SOX6: variants seen among roughly 807,000 people sequenced by gnomAD.
The protein encoded by SOX6 is SRY-box transcription factor 6.
In SOX6, 11 loss-of-function variants were observed where a neutral mutation model predicts 97.8. The ratio of observed to expected loss-of-function variants is 0.11; its 90% CI spans 0.07 to 0.19. SOX6 has a LOEUF of 0.19. Among genes scored for constraint, SOX6 ranks in the 10% least tolerant of loss-of-function variants. The probability of loss-of-function intolerance (pLI) is 1.00; values close to 1 mark genes in which losing one functional copy is unlikely to be tolerated. For synonymous variants in SOX6, 360 were observed against 371.4 expected, an observed-to-expected ratio of 0.97 and a Z score of 0.35; for missense variants, 810 against 1,039.5, an observed-to-expected ratio of 0.78 and a Z score of 3.04.
intron 4 of SOX6, among the ~76,000 whole-genome samples, chr11:16,491,584 C>A (rs1860511450): frequency 6.6e-6 from 1 of 151,666 alleles, no homozygotes. Context: ...TATGAAAATC[C>A]AAACATCTAA....
rs183312895 is a variant in SOX6, at chr11:16,319,341, T to C, written c.238-688A>G. 6.6e-5 allele frequency among the ~76,000 whole-genome samples: 10 copies of C among 152,338 alleles called. No individual in the cohort carries two copies. In the East Asian group the frequency reaches 1.5e-3, roughly 23 times the overall value. ...CACTGATACTTCAGCACATTTTTCATGTGGCATTTAAAAATGTCTTTTTTT... is the reference window on the plus strand; with the variant it reads ...CACTGATACTTCAGCACATTTTTCACGTGGCATTTAAAAATGTCTTTTTTT... On this transcript the variant is annotated intron_variant, in intron 2 of 15. Coordinates refer to ENST00000683767, the MANE Select transcript of SOX6 (RefSeq NM_001367873.1).
intron 3 of SOX6, among the ~76,000 whole-genome samples, chr11:16,644,133 C>T (rs1224013478): frequency 1.3e-5 from 2 of 152,136 alleles, no homozygotes; most frequent in African/African-American, 2.4e-5. Context: ...CTCAACCTCC[C>T]AGGCTCAAGC....
chr11:16,695,416 A>G (rs1309327794), intron 3 of SOX6, among the ~76,000 whole-genome samples: 3 of 152,272 alleles, frequency 2.0e-5, no homozygotes, highest in Admixed American at 2.0e-4. Context: ...ATAATATAAC[A>G]GAATAAAATA....
chr11:15,968,644 T>TAGAG lies in SOX6; in HGVS notation c.*4164_*4165insCTCT, dbSNP rs2119727795. The TAGAG allele has an allele frequency of 6.6e-6, 1 of 152,340 alleles. No individual in the cohort carries two copies. Among genetic ancestry groups the TAGAG allele is most frequent in the African/African-American group, 2.4e-5 (1 of 41,578 alleles). 9.4% of individuals were successfully genotyped at this position (152,340 alleles called of 1,614,324 possible). A position where few individuals can be genotyped will look rare whatever the true frequency, so the allele number is the denominator to read the frequency against. On this transcript the variant is annotated 3_prime_UTR_variant, in exon 16 of 16. Coordinates refer to ENST00000683767, the MANE Select transcript of SOX6 (RefSeq NM_001367873.1). ...CTTCAGAAGGAAAAGAAAGCAGCCT[T>TAGAG]TAATTTCAGCCCTAGAGTGATCACG...
At chr11:16,221,445 T>C (rs897728451) in intron 4 of SOX6, among the ~76,000 whole-genome samples, 4 of 147,964 alleles carry the variant, frequency 2.7e-5, no homozygotes, top group Non-Finnish European at 5.9e-5. Context: ...AGCACTTCTC[T>C]TACACATATA....
At chr11:16,014,315 C>T (rs1854819133) in intron 13 of SOX6, among the ~76,000 whole-genome samples, 1 of 152,050 alleles carries the variant, frequency 6.6e-6, no homozygotes, top group South Asian at 2.1e-4. Context: ...GGTCTTTCCA[C>T]CCAGACTTCT....
At chr11:16,097,274 T>A (rs1848821982) in intron 8 of SOX6, among the ~76,000 whole-genome samples, 1 of 151,862 alleles carries the variant, frequency 6.6e-6, no homozygotes. Flanking sequence ...ATGCAAAAGC[T>A]AATCTGGACA....
chr11:16,010,879 T>C (rs748524085), intron 13 of SOX6, among the ~76,000 whole-genome samples: 6 of 152,018 alleles, frequency 3.9e-5, no homozygotes, highest in Non-Finnish European at 8.8e-5. Context: ...GATAGATAGA[T>C]CATCTTTCTG....
At chr11:16,250,433 T>C (rs72867977) in intron 3 of SOX6, among the ~76,000 whole-genome samples, 2,345 of 152,118 alleles carry the variant, frequency 0.015, 89 homozygotes, top group Non-Finnish European at 0.013. Context: ...AGAAAGATAG[T>C]AAAAAGCGAA....
At chr11:16,452,174 G>A (rs944421758) in intron 1 of SOX6, among the ~76,000 whole-genome samples, 2 of 151,950 alleles carry the variant, frequency 1.3e-5, no homozygotes, top group Non-Finnish European at 2.9e-5. Flanking sequence ...CTTGAAGTAT[G>A]TCACAGAACA....
At chr11:16,113,475 C>T (rs1849277151) in intron 6 of SOX6, among the ~76,000 whole-genome samples, 1 of 152,142 alleles carries the variant, frequency 6.6e-6, no homozygotes, top group South Asian at 2.1e-4. Context: ...CAGGTCTTGC[C>T]TTTAACCCTG....
intron 4 of SOX6, among the ~76,000 whole-genome samples, chr11:16,551,247 A>G (rs1243598658): frequency 6.6e-6 from 1 of 151,950 alleles, no homozygotes; most frequent in Non-Finnish European, 1.5e-5. Flanking sequence ...GCTACTCAAG[A>G]GCTGAGGTGG....
At chr11:16,684,054 T>C (rs553554005) in intron 3 of SOX6, among the ~76,000 whole-genome samples, 1 of 152,152 alleles carries the variant, frequency 6.6e-6, no homozygotes, top group Admixed American at 6.5e-5. Context: ...CTCACACCAG[T>C]TAGAATGGTG....
At chr11:16,516,209 C>A (rs1485088623) in intron 4 of SOX6, among the ~76,000 whole-genome samples, 1 of 151,240 alleles carries the variant, frequency 6.6e-6, no homozygotes, top group Non-Finnish European at 1.5e-5. Flanking sequence ...TTGTTTGTAT[C>A]CTCTTTTATT....
At chr11:16,447,728 G>GA (rs1008082723) in intron 1 of SOX6, among the ~76,000 whole-genome samples, 6 of 152,062 alleles carry the variant, frequency 3.9e-5, no homozygotes, top group Non-Finnish European at 8.8e-5. Context: ...TCAAAACAGG[G>GA]AAAAAAATTT....
upstream of SOX6, among the ~76,000 whole-genome samples, chr11:16,359,352 G>A (rs572648662): frequency 2.0e-5 from 3 of 152,194 alleles, no homozygotes; most frequent in African/African-American, 7.2e-5. Flanking sequence ...AGGACAGAAT[G>A]ACAACAGATT....
At chr11:16,634,217 T>C (rs111632956) in intron 3 of SOX6, among the ~76,000 whole-genome samples, 167 of 149,318 alleles carry the variant, frequency 1.1e-3, no homozygotes, top group African/African-American at 3.9e-3. Flanking sequence ...GACTGGAAAA[T>C]AAAAAATCTA....
At chr11:16,653,488 G>A (rs1229746205) in intron 3 of SOX6, among the ~76,000 whole-genome samples, 1 of 152,110 alleles carries the variant, frequency 6.6e-6, no homozygotes, top group Non-Finnish European at 1.5e-5. Flanking sequence ...GGACTGAGTT[G>A]GAGACCATTA....
At chr11:16,156,608 A>G (rs912269947) in intron 6 of SOX6, among the ~76,000 whole-genome samples, 2 of 151,888 alleles carry the variant, frequency 1.3e-5, no homozygotes, top group African/African-American at 2.4e-5. Flanking sequence ...TATTTACATG[A>G]TCTGTCCACC....
Sources: gnomAD v4.1 joint callset for allele counts (sites outside exome capture counted in the v4.1 genomes callset) on GRCh38, gnomAD v4.1.1 for gene constraint, MANE v1.5 for transcripts, NCBI Gene and HGNC (gene_info 2026-07-23, HGNC 2026-07-21) for gene names.